Variants in ARHGAP39 observed in about 807,000 individuals in gnomAD.
ARHGAP39 encodes Rho GTPase activating protein 39, also known as rho GTPase-activating protein 39.
Under a neutral mutation model 106.9 loss-of-function variants are expected in ARHGAP39, and 44 were observed. That is an observed-to-expected ratio of 0.41 (90% confidence interval 0.32 to 0.53). The LOEUF is 0.53. Among genes scored for constraint, ARHGAP39 ranks in the 20% least tolerant of loss-of-function variants. ARHGAP39 has a pLI of 0.21. For missense variants in ARHGAP39, 1,496 were observed against 1,577.3 expected, an observed-to-expected ratio of 0.95 and a Z score of 0.87; for synonymous variants, 768 against 693.2, an observed-to-expected ratio of 1.11 and a Z score of -1.69.
At chr8:144,598,350 T>C (rs1819709330) in intron 2 of ARHGAP39, among the ~76,000 whole-genome samples, 1 of 151,716 alleles carries the variant, frequency 6.6e-6, no homozygotes. Context: ...CAGCTGTGGG[T>C]GTCAGTGGAG....
At chr8:144,568,072 C>T (rs924617725) in intron 3 of ARHGAP39, among the ~76,000 whole-genome samples, 3 of 152,132 alleles carry the variant, frequency 2.0e-5, no homozygotes, top group African/African-American at 7.2e-5. Context: ...AGGCTGATGC[C>T]TGTAATCCCA....
chr8:144,649,393 T>G (rs1821522300), intron 1 of ARHGAP39, among the ~76,000 whole-genome samples: 1 of 152,028 alleles, frequency 6.6e-6, no homozygotes, highest in Non-Finnish European at 1.5e-5. Flanking sequence ...GAACTTGCAG[T>G]GAGCTGAGAT....
chr8:144,549,286 C>T (rs1209413356), intron 4 of ARHGAP39, among the ~76,000 whole-genome samples: 1 of 152,266 alleles, frequency 6.6e-6, no homozygotes, highest in African/African-American at 2.4e-5. Flanking sequence ...GGGCGCTGGA[C>T]CCAGGACGCT....
In ARHGAP39 at chr8:144,586,825, A is replaced by G. The variant is rs112676024; in HGVS notation, c.81-5548T>C. On this transcript the variant is annotated intron_variant, in intron 2 of 11. Coordinates refer to ENST00000377307, the MANE Select transcript of ARHGAP39 (RefSeq NM_025251.3). The surrounding 1 kb of genome is among the most constrained non-coding windows in gnomAD (Gnocchi z 4.2). ...TCTGCTCTGCAGGACAGCAGCCATC[A>G]GCAACCCTACATGGCTGCACGCCCA... Among the ~76,000 whole-genome samples the G allele has an allele frequency of 0.073, 11,170 of 152,232 alleles. 1,349 individuals are homozygous for G. The highest frequency in any genetic ancestry group is 0.25 in the African/African-American group (10,410 of 41,486).
At chr8:144,582,339 C>T (rs1323406285) in intron 2 of ARHGAP39, among the ~76,000 whole-genome samples, 1 of 152,210 alleles carries the variant, frequency 6.6e-6, no homozygotes, top group African/African-American at 2.4e-5. Context: ...TGAAAACAGG[C>T]TGTGATGCGC....
chr8:144,670,210 A>G lies in ARHGAP39; in HGVS notation c.-82+15476T>C, dbSNP rs559251950. ...GTAAAAAGCAACAGAGCTCGGACGCATGCTAGAGCGTACCGGGAAGCTGGA... is the reference window on the plus strand; with the variant it reads ...GTAAAAAGCAACAGAGCTCGGACGCGTGCTAGAGCGTACCGGGAAGCTGGA... On this transcript the variant is annotated intron_variant, in intron 1 of 11. Transcript: ENST00000377307. The surrounding 1 kb of genome is among the most constrained non-coding windows in gnomAD (Gnocchi z 4.4). Among the ~76,000 whole-genome samples the G allele has an allele frequency of 2.0e-5, 3 of 151,846 alleles. No individual in the cohort carries two copies. Among genetic ancestry groups the G allele is most frequent in the South Asian group, 4.2e-4 (2 of 4,762 alleles).
At chr8:144,581,447 C>T (rs1818987509) in intron 2 of ARHGAP39, among the ~76,000 whole-genome samples, 170 bp from the exon 3 acceptor site, 1 of 152,246 alleles carries the variant, frequency 6.6e-6, no homozygotes, top group Admixed American at 6.5e-5. Flanking sequence ...TGAGCACCCG[C>T]AACCGGGGAA....
intron 4 of ARHGAP39, among the ~76,000 whole-genome samples, chr8:144,551,832 T>A (rs1817703718): frequency 6.6e-6 from 1 of 152,174 alleles, no homozygotes; most frequent in African/African-American, 2.4e-5. Flanking sequence ...CTGGGCTTCC[T>A]CCTGGGCCAT....
In ARHGAP39 at chr8:144,545,659, T is replaced by C. The variant is rs1817384992; in HGVS notation, c.2111A>G (p.Lys704Arg). The C allele has an allele frequency of 2.5e-6, 4 of 1,613,586 alleles. No individual in the cohort carries two copies. Among genetic ancestry groups the C allele is most frequent in the African/African-American group, 2.7e-5 (2 of 75,054 alleles). ...CCGCCGGAAGAGGCCCTGCGTGTGC[T>C]TGTTGAAGTGCTTGGAGGCCCAGTT... ...IENWASKHFNKHTQGLFRRKV... is the reference protein window; with the variant it reads ...IENWASKHFNRHTQGLFRRKV... The change falls in exon 6 of 12, where the codon AAG becomes AGG. Residue 704 changes from lysine to arginine, a missense_variant. Lys to Arg is a conservative substitution (Grantham distance 26). Around this residue, in one of 4 missense-constraint regions of ARHGAP39, gnomAD observed 470 missense variants for 605.1 expected, o/e 0.78. Transcript: ENST00000377307.
At chr8:144,610,171 G>A (rs1563706723) in intron 1 of ARHGAP39, among the ~76,000 whole-genome samples, 1 of 152,144 alleles carries the variant, frequency 6.6e-6, no homozygotes, top group Non-Finnish European at 1.5e-5. Flanking sequence ...CTGTAGCTAT[G>A]CCACATCTTT....
At chr8:144,598,224 T>A (rs1819698658) in intron 2 of ARHGAP39, among the ~76,000 whole-genome samples, 2 of 151,418 alleles carry the variant, frequency 1.3e-5, no homozygotes, top group African/African-American at 4.9e-5. Flanking sequence ...CCGCGTTGAG[T>A]GTAAAGGGGA....
intron 1 of ARHGAP39, among the ~76,000 whole-genome samples, chr8:144,651,340 T>A (rs1221309312): frequency 6.6e-6 from 1 of 152,006 alleles, no homozygotes; most frequent in Non-Finnish European, 1.5e-5. Context: ...ACAAAGAAAT[T>A]TACAAATTCA....
At chr8:144,594,434 C>G (rs889738059) in intron 2 of ARHGAP39, among the ~76,000 whole-genome samples, 1 of 152,142 alleles carries the variant, frequency 6.6e-6, no homozygotes, top group African/African-American at 2.4e-5. Flanking sequence ...GTGGCTCATG[C>G]CTGTAATCCC....
At position 144,645,794 on chromosome 8, in the gene ARHGAP39, A is replaced by G. The variant is rs918731932; in HGVS notation, c.-82+39892T>C. 6.6e-6 allele frequency among the ~76,000 whole-genome samples: 1 copy of G among 152,224 alleles called. No homozygotes were observed. The highest frequency in any genetic ancestry group is 2.4e-5 in the African/African-American group (1 of 41,450). On this transcript the variant is annotated intron_variant, in intron 1 of 11. Transcript: ENST00000377307. The surrounding 1 kb of genome is among the most constrained non-coding windows in gnomAD (Gnocchi z 4.4). Reference sequence around the variant, plus strand: ...GAATCCCAACACTAAGGAAAGTCATAACCAAAGGGGCTGCCTGAGCGAGGC... The same window carrying G: ...GAATCCCAACACTAAGGAAAGTCATGACCAAAGGGGCTGCCTGAGCGAGGC...
At chr8:144,613,103 A>G (rs144645647) in intron 1 of ARHGAP39, among the ~76,000 whole-genome samples, 424 of 152,358 alleles carry the variant, frequency 2.8e-3, no homozygotes, top group African/African-American at 9.1e-3. Flanking sequence ...CTCTGCCTTC[A>G]ACGGCTATTC....
intron 6 of ARHGAP39, among the ~76,000 whole-genome samples, chr8:144,541,189 T>G (rs1171214480): frequency 6.6e-6 from 1 of 152,186 alleles, no homozygotes; most frequent in African/African-American, 2.4e-5. Flanking sequence ...ATCCTTTGTT[T>G]CCAGCTTCAG....
chr8:144,605,780 G>C, intron 1 of ARHGAP39, 85 bp from the exon 2 acceptor site: 1 of 700,338 alleles, frequency 1.4e-6, no homozygotes, highest in Non-Finnish European at 2.4e-6. Flanking sequence ...CCGCAGACTG[G>C]CTGGGCAGGA....
intron 6 of ARHGAP39, among the ~76,000 whole-genome samples, chr8:144,538,865 C>A (rs1343768680): frequency 6.6e-6 from 1 of 152,206 alleles, no homozygotes; most frequent in Non-Finnish European, 1.5e-5. Context: ...GCCACTGCGC[C>A]CGGCCTACTT....
chr8:144,537,092 A>G (rs1457080878), intron 7 of ARHGAP39, among the ~76,000 whole-genome samples: 1 of 152,128 alleles, frequency 6.6e-6, no homozygotes, highest in Non-Finnish European at 1.5e-5. Context: ...GTAGCTCTCA[A>G]AAGGGAGAGC....
Sources: allele counts gnomAD v4.1 joint callset (sites outside exome capture counted in the v4.1 genomes callset), GRCh38; gene constraint gnomAD v4.1.1; regional missense constraint gnomAD v4.1.1; non-coding constraint Gnocchi (gnomAD v3.1); transcripts MANE v1.5; gene names NCBI Gene and HGNC (gene_info 2026-07-23, HGNC 2026-07-21).